Variants in XRRA1 observed in about 807,000 individuals in gnomAD.
XRRA1 encodes X-ray radiation resistance-associated protein 1.
Under a neutral mutation model 80.2 loss-of-function variants are expected in XRRA1, and 69 were observed. That is an observed-to-expected ratio of 0.86 (90% CI 0.71 to 1.05). XRRA1 has a LOEUF of 1.05. XRRA1 is among the 50% of genes least tolerant of loss of function. The pLI, the probability that XRRA1 is intolerant of heterozygous loss-of-function variation, is 0.00. For missense variants in XRRA1, 967 were observed against 976.4 expected (o/e 0.99, Z 0.13); for synonymous variants, 348 against 389.9 (o/e 0.89, Z 1.27).
chr11:74,868,318 A>G (rs1276932038), intron 10 of XRRA1, among the ~76,000 whole-genome samples: 1 of 152,180 alleles, frequency 6.6e-6, no homozygotes, highest in African/African-American at 2.4e-5. Flanking sequence ...CAGACATGCA[A>G]ATGCTAAGGG....
chr11:74,915,860 A>AT (rs1266573557), intron 8 of XRRA1, among the ~76,000 whole-genome samples: 7 of 151,876 alleles, frequency 4.6e-5, no homozygotes, highest in Admixed American at 2.0e-4. Context: ...GTGGTAATGA[A>AT]TTTTTTTTAC....
chr11:74,878,630 T>A (rs1195923772), intron 10 of XRRA1, among the ~76,000 whole-genome samples: 2 of 149,786 alleles, frequency 1.3e-5, no homozygotes, highest in Non-Finnish European at 3.0e-5. Context: ...CATCTTGAAT[T>A]GATTTTTGTA....
chr11:74,924,213 C>T (rs1189435878), intron 7 of XRRA1, among the ~76,000 whole-genome samples: 4 of 151,340 alleles, frequency 2.6e-5, no homozygotes, highest in South Asian at 2.1e-4. Flanking sequence ...CGGTGGCTCA[C>T]GCCTGTAATC....
intron 7 of XRRA1, among the ~76,000 whole-genome samples, chr11:74,925,287 C>T (rs563492818): frequency 1.4e-4 from 22 of 152,252 alleles, no homozygotes; most frequent in African/African-American, 3.6e-4. Context: ...ATCTGTAATC[C>T]GAGAATCAAA....
chr11:74,942,933 C>T (rs1039926450), intron 2 of XRRA1, among the ~76,000 whole-genome samples: 9 of 152,154 alleles, frequency 5.9e-5, no homozygotes, highest in Admixed American at 2.0e-4. Flanking sequence ...TGGGCAGACC[C>T]GCAGAGCCAT....
intron 8 of XRRA1, among the ~76,000 whole-genome samples, chr11:74,916,143 G>T (rs941385073): frequency 1.3e-5 from 2 of 152,052 alleles, no homozygotes. Context: ...CTCAGTGGAG[G>T]TCTCTTTGAG....
chr11:74,850,221 G>T (rs1163173321), intron 14 of XRRA1, among the ~76,000 whole-genome samples: 1 of 152,194 alleles, frequency 6.6e-6, no homozygotes, highest in African/African-American at 2.4e-5. Context: ...TGAGGATTAT[G>T]GGATAGCATA....
At chr11:74,906,208 TAG>T in intron 10 of XRRA1, 29 bp downstream of exon 10, 2 of 1,595,414 alleles carry the variant, frequency 1.3e-6, no homozygotes. Flanking sequence ...ACCATGAGGG[TAG>T]AATTTCTGGG....
intron 10 of XRRA1, among the ~76,000 whole-genome samples, chr11:74,890,626 A>G (rs994600639): frequency 6.6e-6 from 1 of 152,254 alleles, no homozygotes; most frequent in Non-Finnish European, 1.5e-5. Context: ...TGGTGTTTTG[A>G]AAAGATCAAC....
intron 11 of XRRA1, among the ~76,000 whole-genome samples, chr11:74,861,593 A>G (rs538593687): frequency 2.6e-5 from 4 of 152,224 alleles, no homozygotes; most frequent in Non-Finnish European, 5.9e-5. Context: ...TTCATTATAT[A>G]TTACAATGTA....
intron 10 of XRRA1, among the ~76,000 whole-genome samples, chr11:74,877,228 C>A (rs1017640185): frequency 6.6e-6 from 1 of 152,186 alleles, no homozygotes; most frequent in Non-Finnish European, 1.5e-5. Flanking sequence ...AATCACATCA[C>A]AAGTCATAAA....
chr11:74,909,172 A>AAGAGACCTGGCAGCACTGT (rs1385387186), intron 8 of XRRA1, among the ~76,000 whole-genome samples: 2 of 152,220 alleles, frequency 1.3e-5, no homozygotes, highest in Admixed American at 1.3e-4. Flanking sequence ...AACTTTCAGA[A>AAGAGACCTGGCAGCACTGT]AGAGACCTGG....
rs1020807788 is a variant in XRRA1 at position 74,884,475 on chromosome 11, T to C, written c.1004-21454A>G. Reference sequence around the variant, plus strand: ...GGCACAGCTATTCCTAACCAGTTTTTAGTGTCTATGCACACCTGGTCTAAT... The same window carrying C: ...GGCACAGCTATTCCTAACCAGTTTTCAGTGTCTATGCACACCTGGTCTAAT... On this transcript the variant is annotated intron_variant, in intron 10 of 18. Transcript: ENST00000684022. 3.9e-5 allele frequency among the ~76,000 whole-genome samples: 6 copies of C among 152,334 alleles called. No individual in the cohort carries two copies. In the East Asian group the frequency reaches 1.2e-3, roughly 29 times the overall value.
At chr11:74,868,762 G>T (rs2044068814) in intron 10 of XRRA1, among the ~76,000 whole-genome samples, 2 of 151,570 alleles carry the variant, frequency 1.3e-5, no homozygotes, top group Non-Finnish European at 2.9e-5. Flanking sequence ...GACAAAGAAG[G>T]ATATTATATA....
At chr11:74,888,473 CAG>C (rs2049685429) in intron 10 of XRRA1, among the ~76,000 whole-genome samples, 1 of 152,176 alleles carries the variant, frequency 6.6e-6, no homozygotes, top group African/African-American at 2.4e-5. Flanking sequence ...GGGGAAAAAA[CAG>C]AGCAGAAAAA....
In XRRA1 at chr11:74,845,194, C is replaced by T. The variant is rs371612212; in HGVS notation, c.1806G>A (p.Thr602=). ...LKEKDQKKPP[T]APREVKGTRR... is the part of the protein sequence containing the mutation. Reference sequence around the variant, plus strand: ...GAGTCCCTTTCACCTCTCTGGGTGCCGTTGGTGGTTTCTTTTGGTCTTTCT... The same window carrying T: ...GAGTCCCTTTCACCTCTCTGGGTGCTGTTGGTGGTTTCTTTTGGTCTTTCT... The change falls in exon 16 of 19, where the codon ACG becomes ACA. Residue 602 remains threonine, a synonymous_variant. Coordinates refer to ENST00000684022, the MANE Select transcript of XRRA1 (RefSeq NM_001378157.1). 69 of 1,613,916 alleles carry T rather than the reference C, an allele frequency of 4.3e-5. No individual in the cohort carries two copies. In the East Asian group the frequency reaches 1.3e-3, roughly 30 times the overall value.
At chr11:74,924,251 A>G (rs112599438) in intron 7 of XRRA1, among the ~76,000 whole-genome samples, 8,284 of 150,838 alleles carry the variant, frequency 0.055, 753 homozygotes, top group African/African-American at 0.19. Flanking sequence ...CGAGACGGGC[A>G]GATCACGAGG....
intron 15 of XRRA1, 87 bp downstream of exon 15, chr11:74,848,028 A>G (rs2135443468): frequency 8.2e-7 from 1 of 1,222,692 alleles, no homozygotes; most frequent in Non-Finnish European, 1.1e-6. Context: ...TGTTGCTCCC[A>G]GCTGTCCACA....
intron 11 of XRRA1, among the ~76,000 whole-genome samples, chr11:74,860,485 G>C (rs1346049062): frequency 6.6e-6 from 1 of 152,242 alleles, no homozygotes; most frequent in African/African-American, 2.4e-5. Context: ...GGCCCTGATG[G>C]GGGCAGAGAG....
Sources: gnomAD v4.1 joint callset for allele counts (sites outside exome capture counted in the v4.1 genomes callset) on GRCh38, gnomAD v4.1.1 for gene constraint, MANE v1.5 for transcripts, NCBI Gene and HGNC (gene_info 2026-07-23, HGNC 2026-07-21) for gene names.